KCNMA1: variants seen among roughly 807,000 people sequenced by gnomAD.
The protein encoded by KCNMA1 is Calcium-activated potassium channel subunit alpha-1.
In KCNMA1, 29 loss-of-function variants were observed where a neutral mutation model predicts 140.0. That is an observed-to-expected ratio of 0.21 (90% CI 0.15 to 0.28). The LOEUF (loss-of-function observed/expected upper bound fraction) is 0.28, where lower values mean the gene tolerates loss of function less well. Ranked by LOEUF, KCNMA1 falls within the 10% of genes least tolerant of loss-of-function variation. The pLI, the probability that KCNMA1 is intolerant of heterozygous loss-of-function variation, is 1.00. For synonymous variants in KCNMA1, 612 were observed against 611.9 expected (o/e 1.00, Z 0.00); for missense variants, 880 against 1,602.2 (o/e 0.55, Z 7.70).
intron 1 of KCNMA1, among the ~76,000 whole-genome samples, chr10:77,572,946 G>A (rs1374958003): frequency 6.6e-6 from 1 of 151,880 alleles, no homozygotes; most frequent in Admixed American, 6.6e-5. Flanking sequence ...TTTCTTCAAT[G>A]ACACACGACA....
At chr10:77,193,090 C>T (rs547331454) in intron 3 of KCNMA1, among the ~76,000 whole-genome samples, 1 of 151,832 alleles carries the variant, frequency 6.6e-6, no homozygotes, top group South Asian at 2.1e-4. Flanking sequence ...GCCTGGTTGG[C>T]TTAGCACGGA....
At chr10:77,034,473 G>A (rs1197819048) in intron 15 of KCNMA1, among the ~76,000 whole-genome samples, 1 of 152,174 alleles carries the variant, frequency 6.6e-6, no homozygotes, top group African/African-American at 2.4e-5. Context: ...TCGCCGGGCG[G>A]TCTTAAATTT....
intron 5 of KCNMA1, among the ~76,000 whole-genome samples, chr10:77,124,007 ATTGT>A (rs1331419420): frequency 1.3e-5 from 2 of 152,158 alleles, no homozygotes; most frequent in Non-Finnish European, 2.9e-5. Flanking sequence ...AACATTATGA[ATTGT>A]TTATTTCTAG....
chr10:77,461,863 T>C (rs963235940), intron 1 of KCNMA1, among the ~76,000 whole-genome samples: 3 of 152,202 alleles, frequency 2.0e-5, no homozygotes, highest in Admixed American at 1.3e-4. Context: ...CCAGGGGACA[T>C]GTCCTGTTCA....
Position 77,637,684 on chromosome 10 carries a change from C to G in KCNMA1, c.-42G>C, listed in dbSNP as rs558420499. ...CCGGCGCAGGGGCTCGGGGGAGCTC[C>G]TCCCGCCGCCAGCGCCACCCCAAAC... On this transcript the variant is annotated 5_prime_UTR_variant, in exon 1 of 28. Coordinates refer to ENST00000286628, the MANE Select transcript of KCNMA1 (RefSeq NM_001161352.2). 2.1e-4 allele frequency: 309 copies of G among 1,445,116 alleles called. 1 individual carries two copies. In the African/African-American group the frequency reaches 4.3e-3, roughly 20 times the overall value. The allele number at this position is 1,445,116 out of a possible 1,614,324, so 89.5% of individuals were successfully genotyped here. A position where few individuals can be genotyped will look rare whatever the true frequency, so the allele number is the denominator to read the frequency against.
chr10:77,320,574 T>C lies in KCNMA1; in HGVS notation c.541-69318A>G, dbSNP rs766290776. On this transcript the variant is annotated intron_variant, in intron 2 of 27. Coordinates refer to ENST00000286628, the MANE Select transcript of KCNMA1 (RefSeq NM_001161352.2). ...TGAGCAGGCCAGTCCACTCCTGCCC[T>C]CCTTTCAGCCCACTCCCTGGGCCAG... Among the ~76,000 whole-genome samples, 18 of 152,180 alleles carry C rather than the reference T, an allele frequency of 1.2e-4. No homozygotes were observed. The Middle Eastern group carries it at 0.01, about 86-fold the overall frequency.
rs142896264 is a variant in KCNMA1, at chr10:77,517,661, C to G, written c.379-113638G>C. 6.5e-3 allele frequency among the ~76,000 whole-genome samples: 991 copies of G among 152,260 alleles called. 2 individuals are homozygous for G. The highest frequency in any genetic ancestry group is 0.024 in the Middle Eastern group (7 of 294). ...AGGGCCCGTGTTCTCAGCCTCTCCC[C>G]CTCCGACTCCTGCCCATCTTCCTGG... On this transcript the variant is annotated intron_variant, in intron 1 of 27. Coordinates refer to ENST00000286628, the MANE Select transcript of KCNMA1 (RefSeq NM_001161352.2).
chr10:77,583,751 C>T (rs2076470852), intron 1 of KCNMA1, among the ~76,000 whole-genome samples: 1 of 152,172 alleles, frequency 6.6e-6, no homozygotes, highest in South Asian at 2.1e-4. Flanking sequence ...GGGCTTCAAC[C>T]TTGTCACCTA....
chr10:76,894,745 A>G (rs2041759036), intron 25 of KCNMA1, among the ~76,000 whole-genome samples: 1 of 152,212 alleles, frequency 6.6e-6, no homozygotes, highest in Non-Finnish European at 1.5e-5. Context: ...GTCATCAGAG[A>G]AATGCAAATC....
chr10:77,365,319 T>G (rs780939053), intron 2 of KCNMA1, among the ~76,000 whole-genome samples: 17 of 152,174 alleles, frequency 1.1e-4, no homozygotes, highest in Non-Finnish European at 1.9e-4. Flanking sequence ...ATGTGCATCC[T>G]CCACTCCCAA....
At chr10:77,471,714 T>TCACACATACACACATAA (rs1423502093) in intron 1 of KCNMA1, among the ~76,000 whole-genome samples, 2 of 141,454 alleles carry the variant, frequency 1.4e-5, no homozygotes, top group Non-Finnish European at 3.1e-5. Flanking sequence ...TATACACATA[T>TCACACATACACACATAA]CACACATACA....
At position 77,566,385 on chromosome 10, in the gene KCNMA1, T is replaced by A. The variant is rs576717201; in HGVS notation, c.378+70880A>T. Among the ~76,000 whole-genome samples the A allele has an allele frequency of 3.7e-4, 56 of 152,342 alleles. 1 individual carries two copies. In the South Asian group the frequency reaches 0.011, roughly 30 times the overall value. On this transcript the variant is annotated intron_variant, in intron 1 of 27. Transcript: ENST00000286628. ...CCATGCGTGAATGCTGTGGAAAGCA[T>A]CTGAACATGAAGTTTCCAATTACTG...
At chr10:77,596,302 G>A (rs1333837712) in intron 1 of KCNMA1, among the ~76,000 whole-genome samples, 2 of 152,144 alleles carry the variant, frequency 1.3e-5, no homozygotes, top group Non-Finnish European at 2.9e-5. Context: ...TAAATGGCAA[G>A]TCCCTTTCAA....
At chr10:77,474,639 C>T (rs2098238963) in intron 1 of KCNMA1, among the ~76,000 whole-genome samples, 1 of 150,156 alleles carries the variant, frequency 6.7e-6, no homozygotes, top group African/African-American at 2.4e-5. Context: ...GTTCCACATT[C>T]TTTTTTTTTT....
intron 1 of KCNMA1, among the ~76,000 whole-genome samples, chr10:77,497,416 C>G (rs189604182): frequency 6.6e-6 from 1 of 152,278 alleles, no homozygotes; most frequent in East Asian, 1.9e-4. Context: ...GTCGATGCCC[C>G]TTGAGGGTGG....
intron 3 of KCNMA1, among the ~76,000 whole-genome samples, chr10:77,234,148 T>C (rs1054993041): frequency 6.6e-6 from 1 of 152,222 alleles, no homozygotes; most frequent in Non-Finnish European, 1.5e-5. Flanking sequence ...AAGCAGACTT[T>C]ATCATAATTT....
chr10:77,438,485 C>A (rs571405495), intron 1 of KCNMA1, among the ~76,000 whole-genome samples: 1 of 151,820 alleles, frequency 6.6e-6, no homozygotes, highest in Non-Finnish European at 1.5e-5. Flanking sequence ...ATTGCTTGAA[C>A]CTGGGAGGCA....
At chr10:76,881,245 C>T (rs1042742178), downstream of KCNMA1, among the ~76,000 whole-genome samples, 7 of 152,128 alleles carry the variant, frequency 4.6e-5, no homozygotes, top group African/African-American at 7.2e-5. Flanking sequence ...ATCTAGCTCA[C>T]GTACTAGTTG....
intron 17 of KCNMA1, among the ~76,000 whole-genome samples, chr10:77,017,200 T>C (rs1021925977): frequency 2.6e-5 from 4 of 152,170 alleles, no homozygotes; most frequent in African/African-American, 4.8e-5. Flanking sequence ...CAATAGGAAA[T>C]AGAATTACAC....
Sources: allele counts gnomAD v4.1 joint callset (sites outside exome capture counted in the v4.1 genomes callset), GRCh38; gene constraint gnomAD v4.1.1; transcripts MANE v1.5; gene names NCBI Gene and HGNC (gene_info 2026-07-23, HGNC 2026-07-21).